The following CACNA1B variants were observed in gnomAD, a reference collection of about 807,000 sequenced individuals.
CACNA1B encodes the protein voltage-dependent N-type calcium channel subunit alpha-1B.
In CACNA1B, 70 loss-of-function variants were observed where a neutral mutation model predicts 247.2. The observed-to-expected ratio is 0.28, with a 90% CI of 0.23 to 0.35. The LOEUF (loss-of-function observed/expected upper bound fraction) is 0.35, where lower values mean the gene tolerates loss of function less well. Among genes scored for constraint, CACNA1B ranks in the 10% least tolerant of loss-of-function variants. The pLI is 1.00. For missense variants in CACNA1B, 2,367 were observed against 3,197.4 expected, an observed-to-expected ratio of 0.74 and a Z score of 6.26; for synonymous variants, 1,231 against 1,294.4, an observed-to-expected ratio of 0.95 and a Z score of 1.05.
At chr9:138,117,389 C>T (rs1184909035) in intron 42 of CACNA1B, among the ~76,000 whole-genome samples, 2 of 152,154 alleles carry the variant, frequency 1.3e-5, no homozygotes, top group Non-Finnish European at 2.9e-5. Context: ...GGCCCCCTAC[C>T]CCCCGTCCCA....
rs139835043 is a variant in CACNA1B, at chr9:137,911,212, CTAGTTT to C, written c.531-1965_531-1960del. ...TTATTATTCTATTCCGTTGATCTAG[CTAGTTT>C]TAAATTTTCTACCTTTTCTACCTGT... On this transcript the variant is annotated intron_variant, in intron 3 of 46. Coordinates refer to ENST00000371372, the MANE Select transcript of CACNA1B (RefSeq NM_000718.4). Among the ~76,000 whole-genome samples, 1,405 of 152,158 alleles carry C rather than the reference CTAGTTT, an allele frequency of 9.2e-3. 23 individuals are homozygous for C. The highest frequency in any genetic ancestry group is 0.032 in the African/African-American group (1,319 of 41,494).
rs35796437 is a variant in CACNA1B, at chr9:138,102,897, AG to A, written c.5319+93del. The A allele has an allele frequency of 0.25, 188,843 of 756,858 alleles. 31,716 individuals are homozygous for A. Among genetic ancestry groups the A allele is most frequent in the African/African-American group, 0.62 (35,146 of 56,354 alleles). The allele number at this position is 756,858 out of a possible 1,614,324, so 46.9% of individuals were successfully genotyped here. A position where few individuals can be genotyped will look rare whatever the true frequency, so the allele number is the denominator to read the frequency against. ...GGCTCTCCCAGCTCCTCTCCCTTTC[AG>A]GGTGCCCGGCTGTCTGTCTGCCGCT... is the stretch of plus-strand genomic sequence containing the variant. On this transcript the variant is annotated intron_variant, in intron 38 of 46. Coordinates refer to ENST00000371372, the MANE Select transcript of CACNA1B (RefSeq NM_000718.4). This position sits in a 1 kb window ranked among gnomAD's most constrained non-coding sequence, Gnocchi z 5.4.
chr9:137,962,993 C>T (rs1958036795), intron 10 of CACNA1B, among the ~76,000 whole-genome samples: 1 of 152,072 alleles, frequency 6.6e-6, no homozygotes, highest in Non-Finnish European at 1.5e-5. Flanking sequence ...TTAAAGTCTC[C>T]CATTGTTATT....
At position 138,120,216 on chromosome 9, in the gene CACNA1B, C is replaced by A. The variant is rs777530915; in HGVS notation, c.6082C>A (p.Arg2028=). 1.2e-6 allele frequency: 2 copies of A among 1,608,194 alleles called. No homozygotes were observed. Among genetic ancestry groups the A allele is most frequent in the South Asian group, 2.2e-5 (2 of 89,586 alleles). ...MKRSISTLAQ[R]PRGTHLCSTT... ...GCGCTCCATCTCCACGCTGGCCCAG[C>A]GGCCCCGTGGGACTCATCTTTGCAG... Residue 2028 remains arginine (R), a synonymous_variant, in exon 45 of 47, where the codon CGG becomes AGG. Transcript: ENST00000371372.
At chr9:137,884,652 T>C (rs1446295905) in intron 3 of CACNA1B, among the ~76,000 whole-genome samples, 2 of 151,118 alleles carry the variant, frequency 1.3e-5, no homozygotes, top group South Asian at 4.2e-4. Flanking sequence ...TCTGCTGAAG[T>C]AATGAATTGT....
intron 38 of CACNA1B, among the ~76,000 whole-genome samples, chr9:138,104,597 A>T (rs1339444011): frequency 6.6e-6 from 1 of 152,184 alleles, no homozygotes; most frequent in Non-Finnish European, 1.5e-5. Flanking sequence ...CCCGGCTTGC[A>T]TCCACACCCC....
At chr9:137,908,773 G>A (rs1158536431) in intron 3 of CACNA1B, among the ~76,000 whole-genome samples, 1 of 140,214 alleles carries the variant, frequency 7.1e-6, no homozygotes, top group African/African-American at 2.6e-5. Context: ...TGGGACTACA[G>A]GCACCTGCCA....
In CACNA1B at chr9:137,901,686, A is replaced by AT. The variant is rs57624388; in HGVS notation, c.531-11473dup. The stretch of plus-strand genomic sequence containing the variant: ...TGTACATCATTAGGGTTTTTTTGTG[A>AT]TTTTTTTTTTTTTTTTTTTTTGAGA... On this transcript the variant is annotated intron_variant, in intron 3 of 46. Coordinates refer to ENST00000371372, the MANE Select transcript of CACNA1B (RefSeq NM_000718.4). Among the ~76,000 whole-genome samples, 772 of 112,372 alleles carry AT rather than the reference A, an allele frequency of 6.9e-3. 5 individuals are homozygous for AT. Among genetic ancestry groups the AT allele is most frequent in the South Asian group, 0.015 (53 of 3,512 alleles). The allele number at this position is 112,372 out of a possible 152,430, so 73.7% of individuals were successfully genotyped here. A position where few individuals can be genotyped will look rare whatever the true frequency, so the allele number is the denominator to read the frequency against.
Position 138,050,526 on chromosome 9 carries a change from T to C in CACNA1B, c.3710+1211T>C, listed in dbSNP as rs911634166. Among the ~76,000 whole-genome samples, 1 of 152,128 alleles carries C rather than the reference T, an allele frequency of 6.6e-6. No individual in the cohort carries two copies. The highest frequency in any genetic ancestry group is 1.5e-5 in the Non-Finnish European group (1 of 68,010). ...GCCCCCTGCAGTTCCCACTATTTCC[T>C]CTTTCTGTGATAAAGGAATGAGAGC... On this transcript the variant is annotated intron_variant, in intron 24 of 46. Coordinates refer to ENST00000371372, the MANE Select transcript of CACNA1B (RefSeq NM_000718.4). This position sits in a 1 kb window ranked among gnomAD's most constrained non-coding sequence, Gnocchi z 5.2.
chr9:137,932,471 A>G (rs1046920070), intron 6 of CACNA1B, among the ~76,000 whole-genome samples: 2 of 152,194 alleles, frequency 1.3e-5, no homozygotes, highest in South Asian at 2.1e-4. Context: ...CTTGTTTTCT[A>G]TGGTGAACAC....
chr9:138,122,140 C>T lies in CACNA1B; in HGVS notation c.*141C>T. On this transcript the variant is annotated 3_prime_UTR_variant, in exon 47 of 47. Transcript: ENST00000371372. ...GCTCCTGTGGCCCCTCCCTCCCCCTCCTCCCCTCTTTTACTCTAGACGACG... is the reference window on the plus strand; with the variant it reads ...GCTCCTGTGGCCCCTCCCTCCCCCTTCTCCCCTCTTTTACTCTAGACGACG... 1.4e-6 allele frequency: 1 copy of T among 689,948 alleles called. No homozygotes were observed. Among genetic ancestry groups the T allele is most frequent in the Non-Finnish European group, 2.4e-6 (1 of 418,044 alleles). The allele number at this position is 689,948 out of a possible 1,614,324, so 42.7% of individuals were successfully genotyped here. A position where few individuals can be genotyped will look rare whatever the true frequency, so the allele number is the denominator to read the frequency against.
rs984595519 is a variant in CACNA1B, at chr9:137,914,944, A to G, written c.775+138A>G. ...TGGAGCTGACATTCTAGTGGGGGAC[A>G]TAGACGATAGCCTGATAAACACAAG... On this transcript the variant is annotated intron_variant, in intron 5 of 46. Coordinates refer to ENST00000371372, the MANE Select transcript of CACNA1B (RefSeq NM_000718.4). The surrounding 1 kb of genome is among the most constrained non-coding windows in gnomAD (Gnocchi z 4.3). 2.5e-6 allele frequency: 2 copies of G among 795,050 alleles called. No individual in the cohort carries two copies. The highest frequency in any genetic ancestry group is 3.9e-6 in the Non-Finnish European group (2 of 513,018). 49.2% of individuals were successfully genotyped at this position (795,050 alleles called of 1,614,324 possible). A position where few individuals can be genotyped will look rare whatever the true frequency, so the allele number is the denominator to read the frequency against.
chr9:137,890,700 T>G lies in CACNA1B; in HGVS notation c.530+7817T>G, dbSNP rs1420402713. On this transcript the variant is annotated intron_variant, in intron 3 of 46. Coordinates refer to ENST00000371372, the MANE Select transcript of CACNA1B (RefSeq NM_000718.4). ...TGCACAGAGTCCCCCTTACACGCCT[T>G]TCTCTTCAGGGGTCCCACCAGGAGG... 2.0e-5 allele frequency: 3 copies of G among 149,910 alleles called. 1 individual carries two copies. Among genetic ancestry groups the G allele is most frequent in the Non-Finnish European group, 3.0e-5 (2 of 66,742 alleles). 9.3% of individuals were successfully genotyped at this position (149,910 alleles called of 1,614,324 possible).
intron 20 of CACNA1B, among the ~76,000 whole-genome samples, chr9:138,031,335 G>C (rs563731082): frequency 1.3e-5 from 2 of 152,214 alleles, no homozygotes; most frequent in South Asian, 4.1e-4. Context: ...CTATTTCTCT[G>C]TTATTAACTT....
At chr9:137,967,730 C>T (rs1041308747) in intron 10 of CACNA1B, among the ~76,000 whole-genome samples, 2 of 152,302 alleles carry the variant, frequency 1.3e-5, no homozygotes, top group East Asian at 1.9e-4. Flanking sequence ...CATGAGGCAT[C>T]GGACACTCGG....
chr9:137,947,602 T>G (rs1260552356), intron 6 of CACNA1B, among the ~76,000 whole-genome samples: 1 of 152,178 alleles, frequency 6.6e-6, no homozygotes, highest in Admixed American at 6.5e-5. Context: ...AGACCTTTCA[T>G]TATTCATTTT....
rs1230856718 is a variant in CACNA1B at position 138,014,799 on chromosome 9, A to G, written c.2267+1564A>G. ...GCCGGCCCTGCCTCCTCCTGGGGGTATGGGAGGGTGTCCACTCCCATCTGG... is the reference window on the plus strand; with the variant it reads ...GCCGGCCCTGCCTCCTCCTGGGGGTGTGGGAGGGTGTCCACTCCCATCTGG... On this transcript the variant is annotated intron_variant, in intron 18 of 46. Transcript: ENST00000371372. The surrounding 1 kb of genome is among the most constrained non-coding windows in gnomAD (Gnocchi z 6.2). 6.6e-6 allele frequency among the ~76,000 whole-genome samples: 1 copy of G among 151,794 alleles called. No individual in the cohort carries two copies. The highest frequency in any genetic ancestry group is 1.5e-5 in the Non-Finnish European group (1 of 67,932).
rs142705777 is a variant in CACNA1B, at chr9:138,102,021, C to A, written c.5223-690C>A. Among the ~76,000 whole-genome samples, 6 of 152,210 alleles carry A rather than the reference C, an allele frequency of 3.9e-5. No individual in the cohort carries two copies. The highest frequency in any genetic ancestry group is 7.3e-5 in the Non-Finnish European group (5 of 68,032). On this transcript the variant is annotated intron_variant, in intron 37 of 46. Transcript: ENST00000371372. This position sits in a 1 kb window ranked among gnomAD's most constrained non-coding sequence, Gnocchi z 5.4. ...GGCCATGTCCTGCCAGCTCCTCCCC[C>A]CTCCCGCAGTCTCCCATTTCCCACC...
chr9:138,000,146 T>G (rs191660776), intron 15 of CACNA1B, among the ~76,000 whole-genome samples: 2 of 150,868 alleles, frequency 1.3e-5, no homozygotes, highest in South Asian at 4.2e-4. Context: ...TCGCCCAGGC[T>G]GGAGTGCAGT....
Sources: gnomAD v4.1 joint callset for allele counts (sites outside exome capture counted in the v4.1 genomes callset) on GRCh38, gnomAD v4.1.1 for gene constraint, Gnocchi (gnomAD v3.1) non-coding constraint, MANE v1.5 for transcripts, NCBI Gene and HGNC (gene_info 2026-07-23, HGNC 2026-07-21) for gene names.